Variants in QTMAN observed in about 807,000 individuals in gnomAD.
QTMAN encodes tRNA-queuosine alpha-mannosyltransferase.
the QTMAN span, among the ~76,000 whole-genome samples, chr2:144,154,134 G>T: frequency 1.3e-5 from 2 of 152,148 alleles, no homozygotes; most frequent in Admixed American, 6.6e-5. Flanking sequence ...AATATAAGTG[G>T]TACAAAGAAG....
chr2:144,055,174 GA>G, the QTMAN span, among the ~76,000 whole-genome samples: 1 of 152,174 alleles, frequency 6.6e-6, no homozygotes, highest in East Asian at 1.9e-4. Flanking sequence ...TGAGTTGAAG[GA>G]GACTCATGCA....
chr2:144,259,197 C>T, the QTMAN span, among the ~76,000 whole-genome samples: 1 of 152,248 alleles, frequency 6.6e-6, no homozygotes, highest in Admixed American at 6.5e-5. Context: ...CTCACTGTGT[C>T]GCCCAGGCTG....
the QTMAN span, among the ~76,000 whole-genome samples, chr2:144,116,845 G>A: frequency 6.6e-6 from 1 of 152,150 alleles, no homozygotes; most frequent in African/African-American, 2.4e-5. Context: ...TTAGAGCAGC[G>A]AGTCAGAACA....
the QTMAN span, among the ~76,000 whole-genome samples, chr2:144,216,966 A>G: frequency 1.3e-5 from 2 of 152,210 alleles, no homozygotes; most frequent in Non-Finnish European, 2.9e-5. Flanking sequence ...ACAGAGAAGA[A>G]AAAAAGACAT....
At chr2:144,096,362 C>A in the QTMAN span, among the ~76,000 whole-genome samples, 3 of 152,252 alleles carry the variant, frequency 2.0e-5, no homozygotes, top group African/African-American at 7.2e-5. Flanking sequence ...GTCAGAAATT[C>A]ATTACTTTTT....
At chr2:144,086,343 C>T in the QTMAN span, among the ~76,000 whole-genome samples, 1 of 152,198 alleles carries the variant, frequency 6.6e-6, no homozygotes, top group Non-Finnish European at 1.5e-5. Flanking sequence ...GATAGGGTCT[C>T]GCTGTGTTAC....
chr2:144,193,009 ATG>A, the QTMAN span, among the ~76,000 whole-genome samples: 1 of 152,198 alleles, frequency 6.6e-6, no homozygotes, highest in Non-Finnish European at 1.5e-5. Context: ...CAAAGAGATG[ATG>A]TATAAATGTG....
chr2:144,087,713 C>T, the QTMAN span, among the ~76,000 whole-genome samples: 1 of 151,986 alleles, frequency 6.6e-6, no homozygotes, highest in Admixed American at 6.6e-5. Flanking sequence ...ATAATCACCT[C>T]GACAGACGCA....
At chr2:144,303,539 TAAAAG>T in the QTMAN span, among the ~76,000 whole-genome samples, 1 of 152,148 alleles carries the variant, frequency 6.6e-6, no homozygotes, top group Non-Finnish European at 1.5e-5. Context: ...ATAAAATAAT[TAAAAG>T]AGAAGTCATC....
chr2:144,204,018 T>C, the QTMAN span, among the ~76,000 whole-genome samples: 3 of 152,002 alleles, frequency 2.0e-5, no homozygotes, highest in East Asian at 5.8e-4. Context: ...AAGACTTAAA[T>C]GTTAGACCTA....
the QTMAN span, among the ~76,000 whole-genome samples, chr2:144,002,405 T>C: frequency 1.3e-5 from 2 of 151,926 alleles, no homozygotes; most frequent in Non-Finnish European, 2.9e-5. Context: ...ACTTCACTAT[T>C]TGGCAGACAT....
the QTMAN span, among the ~76,000 whole-genome samples, chr2:144,126,708 T>C: frequency 6.6e-6 from 1 of 152,028 alleles, no homozygotes; most frequent in Non-Finnish European, 1.5e-5. Flanking sequence ...AGTCACAGTT[T>C]CCAAGAACCT....
At chr2:144,203,894 G>C in the QTMAN span, among the ~76,000 whole-genome samples, 1 of 152,094 alleles carries the variant, frequency 6.6e-6, no homozygotes, top group East Asian at 1.9e-4. Context: ...AAGAAATGGG[G>C]AAAGGATTCC....
the QTMAN span, among the ~76,000 whole-genome samples, chr2:144,285,320 A>C: frequency 6.6e-6 from 1 of 152,114 alleles, no homozygotes; most frequent in Admixed American, 6.6e-5. Flanking sequence ...GGTCATTATA[A>C]ATTTAACATC....
chr2:144,056,432 C>T, the QTMAN span, among the ~76,000 whole-genome samples: 1 of 152,198 alleles, frequency 6.6e-6, no homozygotes, highest in Non-Finnish European at 1.5e-5. Flanking sequence ...GGGTCACGAG[C>T]CCCTCTCTTG....
the QTMAN span, chr2:143,944,132 G>A: frequency 6.6e-6 from 1 of 152,206 alleles, no homozygotes; most frequent in East Asian, 1.9e-4. Flanking sequence ...ATGAGTCAAC[G>A]TGTAGTACTA....
chr2:144,233,701 G>A, the QTMAN span, among the ~76,000 whole-genome samples: 1 of 152,174 alleles, frequency 6.6e-6, no homozygotes, highest in Non-Finnish European at 1.5e-5. Flanking sequence ...GTTTGGGGGG[G>A]ATTTTCTTGC....
the QTMAN span, among the ~76,000 whole-genome samples, chr2:144,264,663 T>A: frequency 6.6e-6 from 1 of 152,112 alleles, no homozygotes; most frequent in Admixed American, 6.5e-5. Context: ...ATCCAAGAAG[T>A]CACCTAGGCA....
chr2:144,134,389 G>T, the QTMAN span, among the ~76,000 whole-genome samples: 10 of 152,226 alleles, frequency 6.6e-5, no homozygotes, highest in Middle Eastern at 3.4e-3. Flanking sequence ...AGAGAAATGT[G>T]CAGAGAAATT....
Sources: allele counts gnomAD v4.1 joint callset (sites outside exome capture counted in the v4.1 genomes callset), GRCh38; gene constraint gnomAD v4.1.1; transcripts MANE v1.5; gene names NCBI Gene and HGNC (gene_info 2026-07-23, HGNC 2026-07-21).